The following LRP12 variants were observed in gnomAD, a reference collection of about 807,000 sequenced individuals.
LRP12 encodes the protein low-density lipoprotein receptor-related protein 12.
In LRP12, 14 loss-of-function variants were observed where a neutral mutation model predicts 66.0. That is an observed-to-expected ratio of 0.21 (90% CI 0.14 to 0.33). The LOEUF (loss-of-function observed/expected upper bound fraction) is 0.33. Among genes scored for constraint, LRP12 ranks in the 10% least tolerant of loss-of-function variants. LRP12 has a pLI of 1.00. For missense variants in LRP12, 889 were observed against 1,053.4 expected (o/e 0.84, Z 2.16); for synonymous variants, 357 against 359.1 (o/e 0.99, Z 0.07).
At chr8:104,558,810 A>C (rs537550679) in intron 1 of LRP12, among the ~76,000 whole-genome samples, 16 of 152,288 alleles carry the variant, frequency 1.1e-4, no homozygotes, top group Admixed American at 3.9e-4. Flanking sequence ...ATGAATAAAC[A>C]ATTCTTTAAA....
intron 3 of LRP12, among the ~76,000 whole-genome samples, chr8:104,502,890 T>G (rs550962740): frequency 6.6e-6 from 1 of 152,056 alleles, no homozygotes; most frequent in Non-Finnish European, 1.5e-5. Flanking sequence ...ACATTTAAGA[T>G]TCATGAAGGC....
At chr8:104,551,454 T>C (rs903751234) in intron 1 of LRP12, among the ~76,000 whole-genome samples, 1 of 152,138 alleles carries the variant, frequency 6.6e-6, no homozygotes, top group African/African-American at 2.4e-5. Flanking sequence ...GTTTGGAGTA[T>C]AGATCCTATC....
chr8:104,496,954 T>C lies in LRP12; in HGVS notation c.1580+18A>G. The C allele has an allele frequency of 6.7e-7, 1 of 1,500,808 alleles. No homozygotes were observed. Among genetic ancestry groups the C allele is most frequent in the Non-Finnish European group, 8.9e-7 (1 of 1,125,582 alleles). The allele number at this position is 1,500,808 out of a possible 1,614,324, so 93.0% of individuals were successfully genotyped here. On this transcript the variant is annotated intron_variant, in intron 5 of 6. Coordinates refer to ENST00000276654, the MANE Select transcript of LRP12 (RefSeq NM_013437.5). ...GCCTGCTTTTATTGAGGCCCAATAG[T>C]TCTGTCTTGATACTGACCTTCTTTC...
chr8:104,495,315 C>A (rs1332546685), intron 5 of LRP12, 106 bp from the exon 6 acceptor site: 3 of 1,121,916 alleles, frequency 2.7e-6, no homozygotes, highest in African/African-American at 3.1e-5. Context: ...CATATTTGAT[C>A]ATTTTAAAGC....
intron 2 of LRP12, among the ~76,000 whole-genome samples, chr8:104,526,273 T>C (rs1811236658): frequency 6.6e-6 from 1 of 152,010 alleles, no homozygotes; most frequent in Admixed American, 6.6e-5. Context: ...AATTTATAGA[T>C]TCAATGCCAT....
intron 2 of LRP12, among the ~76,000 whole-genome samples, chr8:104,516,384 C>A (rs79975039): frequency 0.018 from 2,719 of 151,582 alleles, 87 homozygotes; most frequent in African/African-American, 0.061. Flanking sequence ...TATTATAATG[C>A]TAATGGTTAA....
intron 1 of LRP12, among the ~76,000 whole-genome samples, chr8:104,557,013 C>T (rs1309302572): frequency 6.6e-6 from 1 of 152,046 alleles, no homozygotes; most frequent in African/African-American, 2.4e-5. Flanking sequence ...AAACAAAAAT[C>T]ACAATCATCT....
intron 1 of LRP12, among the ~76,000 whole-genome samples, chr8:104,584,333 A>G (rs1812297962): frequency 6.6e-6 from 1 of 151,954 alleles, no homozygotes; most frequent in African/African-American, 2.4e-5. Context: ...TATTTCATAT[A>G]TATTTTTACT....
intron 2 of LRP12, among the ~76,000 whole-genome samples, chr8:104,529,499 T>C (rs1039176230): frequency 6.6e-6 from 1 of 152,198 alleles, no homozygotes; most frequent in Non-Finnish European, 1.5e-5. Context: ...CAAACAGAAA[T>C]TTATTTAAGG....
intron 2 of LRP12, among the ~76,000 whole-genome samples, chr8:104,509,703 GA>G (rs1810964338): frequency 3.9e-5 from 6 of 152,000 alleles, no homozygotes; most frequent in Admixed American, 2.6e-4. Flanking sequence ...CTCAACAATA[GA>G]AAAAAAATCG....
At chr8:104,545,152 G>T (rs1048854721) in intron 1 of LRP12, among the ~76,000 whole-genome samples, 1 of 152,132 alleles carries the variant, frequency 6.6e-6, no homozygotes, top group Non-Finnish European at 1.5e-5. Context: ...GGTGGAAATC[G>T]CAACAGAACT....
At position 104,588,956 on chromosome 8, in the gene LRP12, G is replaced by C. The variant is rs1037189392; in HGVS notation, c.-59C>G. On this transcript the variant is annotated 5_prime_UTR_variant, in exon 1 of 7. Coordinates refer to ENST00000276654, the MANE Select transcript of LRP12 (RefSeq NM_013437.5). ...GGAGGAGGAGGGAGGAGAAGCTGGA[G>C]GTAGACGACGCCGACGCCGCCGCCG... 80 of 1,154,798 alleles carry C rather than the reference G, an allele frequency of 6.9e-5. No individual in the cohort carries two copies. Among genetic ancestry groups the C allele is most frequent in the Non-Finnish European group, 9.2e-5 (76 of 827,058 alleles). The allele number at this position is 1,154,798 out of a possible 1,614,324, so 71.5% of individuals were successfully genotyped here.
At chr8:104,542,091 C>T (rs1423958542) in intron 1 of LRP12, among the ~76,000 whole-genome samples, 5 of 152,210 alleles carry the variant, frequency 3.3e-5, no homozygotes, top group African/African-American at 9.6e-5. Flanking sequence ...TTCCAAATGG[C>T]AATACCATTT....
chr8:104,561,077 G>C (rs139467364), intron 1 of LRP12, among the ~76,000 whole-genome samples: 60 of 152,258 alleles, frequency 3.9e-4, no homozygotes, highest in African/African-American at 1.3e-3. Context: ...ACTCAACTCT[G>C]TCACTGCAGC....
At chr8:104,548,004 AATAT>A (rs999405968) in intron 1 of LRP12, among the ~76,000 whole-genome samples, 1 of 123,080 alleles carries the variant, frequency 8.1e-6, no homozygotes, top group African/African-American at 3.1e-5. Flanking sequence ...TTTTGTATAT[AATAT>A]ATAATTGTTA....
At chr8:104,579,638 C>T (rs887304976) in intron 1 of LRP12, among the ~76,000 whole-genome samples, 6 of 152,016 alleles carry the variant, frequency 3.9e-5, no homozygotes, top group African/African-American at 1.4e-4. Context: ...CCTAAGCAAA[C>T]AGAAGAAAGC....
intron 1 of LRP12, among the ~76,000 whole-genome samples, chr8:104,577,820 A>G (rs1812189026): frequency 6.6e-6 from 1 of 151,304 alleles, no homozygotes; most frequent in Admixed American, 6.6e-5. Context: ...CAAAAAAAAA[A>G]AAAAAAAGAA....
At chr8:104,524,639 T>C (rs1216306043) in intron 2 of LRP12, among the ~76,000 whole-genome samples, 1 of 152,198 alleles carries the variant, frequency 6.6e-6, no homozygotes, top group Non-Finnish European at 1.5e-5. Context: ...TTCAAATGCA[T>C]ATACAATTAT....
chr8:104,522,582 C>T (rs1227815726), intron 2 of LRP12, among the ~76,000 whole-genome samples: 1 of 152,076 alleles, frequency 6.6e-6, no homozygotes, highest in East Asian at 1.9e-4. Flanking sequence ...TAACCTCAGA[C>T]AGAGACTTCA....
Sources: gnomAD v4.1 joint callset for allele counts (sites outside exome capture counted in the v4.1 genomes callset) on GRCh38, gnomAD v4.1.1 for gene constraint, MANE v1.5 for transcripts, NCBI Gene and HGNC (gene_info 2026-07-23, HGNC 2026-07-21) for gene names.